NFIB: variants seen among roughly 807,000 people sequenced by gnomAD.
NFIB encodes the protein nuclear factor 1 B-type.
In NFIB, 11 loss-of-function variants were observed where a neutral mutation model predicts 61.5. The ratio of observed to expected loss-of-function variants is 0.18; its 90% CI spans 0.11 to 0.30. The LOEUF is 0.30. Among genes scored for constraint, NFIB ranks in the 10% least tolerant of loss-of-function variants. NFIB has a pLI of 1.00. For missense variants in NFIB, 471 were observed against 608.9 expected (o/e 0.77, Z 2.38); for synonymous variants, 260 against 216.5 (o/e 1.20, Z -1.76).
intron 1 of NFIB, among the ~76,000 whole-genome samples, chr9:14,379,778 G>A (rs1398939829): frequency 6.6e-6 from 1 of 152,088 alleles, no homozygotes; most frequent in Non-Finnish European, 1.5e-5. Flanking sequence ...CGCCTCCCGG[G>A]TTCAAGCAAT....
At chr9:14,462,891 C>A in the NFIB span, among the ~76,000 whole-genome samples, 43 of 152,300 alleles carry the variant, frequency 2.8e-4, no homozygotes, top group East Asian at 5.6e-3. Flanking sequence ...AGTTATGCAA[C>A]ACTTCCCAAA....
chr9:14,495,275 T>G, the NFIB span, among the ~76,000 whole-genome samples: 1 of 151,752 alleles, frequency 6.6e-6, no homozygotes, highest in Non-Finnish European at 1.5e-5. Context: ...CCCACACCCC[T>G]GGTTGTGAGA....
intron 2 of NFIB, among the ~76,000 whole-genome samples, chr9:14,211,191 G>A (rs867929594): frequency 6.6e-6 from 1 of 152,016 alleles, no homozygotes; most frequent in East Asian, 1.9e-4. Flanking sequence ...CTACAATATT[G>A]TATTCAAAAA....
At chr9:14,431,770 T>C in the NFIB span, among the ~76,000 whole-genome samples, 1 of 152,140 alleles carries the variant, frequency 6.6e-6, no homozygotes, top group Non-Finnish European at 1.5e-5. Context: ...AAGGCCTCTC[T>C]TGGTGAGACA....
the NFIB span, among the ~76,000 whole-genome samples, chr9:14,502,884 C>T: frequency 3.9e-5 from 6 of 152,006 alleles, no homozygotes; most frequent in Non-Finnish European, 8.8e-5. Flanking sequence ...CCTCACTCCC[C>T]TCCCACCATT....
the NFIB span, among the ~76,000 whole-genome samples, chr9:14,413,078 T>G: frequency 8.8e-4 from 134 of 152,214 alleles, no homozygotes; most frequent in Middle Eastern, 6.8e-3. Flanking sequence ...AACCCCTGGG[T>G]AGCTCTGAAC....
chr9:14,150,080 C>G, intron 5 of NFIB, 65 bp downstream of exon 5: 2 of 1,598,898 alleles, frequency 1.3e-6, no homozygotes, highest in Admixed American at 1.7e-5. Context: ...ATCTATCTGC[C>G]TATCATCCAC....
chr9:14,323,068 A>G (rs920203121), intron 1 of NFIB, among the ~76,000 whole-genome samples: 2 of 152,262 alleles, frequency 1.3e-5, no homozygotes, highest in Admixed American at 6.5e-5. Flanking sequence ...GCTGGCTTCA[A>G]CTTCGCCAGG....
At chr9:14,274,986 G>C (rs1379728612) in intron 2 of NFIB, among the ~76,000 whole-genome samples, 2 of 152,192 alleles carry the variant, frequency 1.3e-5, no homozygotes, top group African/African-American at 4.8e-5. Context: ...GTGAGGTTTT[G>C]TTTTGAAGTT....
chr9:14,495,446 C>CTTTTTATTT, the NFIB span, among the ~76,000 whole-genome samples: 1 of 117,264 alleles, frequency 8.5e-6, no homozygotes, highest in Non-Finnish European at 1.7e-5. Flanking sequence ...GAGAAATGAA[C>CTTTTTATTT]TTTTTTTTTT....
chr9:14,520,048 CTATT>C, the NFIB span, among the ~76,000 whole-genome samples: 7,325 of 152,168 alleles, frequency 0.048, 560 homozygotes, highest in African/African-American at 0.17. Context: ...TCTAAAGAAA[CTATT>C]TATAATGTTT....
At chr9:14,448,600 G>T in the NFIB span, among the ~76,000 whole-genome samples, 13 of 152,160 alleles carry the variant, frequency 8.5e-5, no homozygotes, top group Non-Finnish European at 1.5e-4. Context: ...ATTTGCAAAG[G>T]GAAAGCCAAA....
chr9:14,476,246 GTT>G, the NFIB span, among the ~76,000 whole-genome samples: 3 of 127,452 alleles, frequency 2.4e-5, no homozygotes, highest in Non-Finnish European at 1.7e-5. Context: ...TAAGCTTTTT[GTT>G]TTTTTTTTTT....
chr9:14,425,383 G>A, the NFIB span, among the ~76,000 whole-genome samples: 1 of 152,158 alleles, frequency 6.6e-6, no homozygotes, highest in African/African-American at 2.4e-5. Flanking sequence ...AGGAATCGAG[G>A]GCAAAACAGG....
At chr9:14,320,679 C>T (rs1454747899) in intron 1 of NFIB, among the ~76,000 whole-genome samples, 3 of 152,192 alleles carry the variant, frequency 2.0e-5, no homozygotes, top group African/African-American at 7.2e-5. Context: ...TTGAACTCCT[C>T]AGTCATATAC....
intron 1 of NFIB, among the ~76,000 whole-genome samples, chr9:14,371,180 G>A (rs958683215): frequency 4.6e-5 from 7 of 152,074 alleles, no homozygotes; most frequent in Admixed American, 4.6e-4. Flanking sequence ...CCTGCCAGAG[G>A]ACCAACCTTT....
chr9:14,120,598 G>A lies in NFIB; in HGVS notation c.1087C>T (p.Pro363Ser), dbSNP rs749973345. Reference sequence around the variant, plus strand: ...TGTGTTGGAAATGGCAACGGTGAAGGTGGAGGTGGAGTTCGAGTTGAGATG... The same window carrying A: ...TGTGTTGGAAATGGCAACGGTGAAGATGGAGGTGGAGTTCGAGTTGAGATG... ...SVISTRTPPP[P>S]SPLPFPTQAI... The change falls in exon 8 of 11, where the codon CCT (proline) becomes TCT (serine). Residue 363 changes from proline to serine, a missense_variant. Pro to Ser is a moderately conservative substitution (Grantham distance 74, BLOSUM62 -1). Around this residue, in one of 2 missense-constraint regions of NFIB, gnomAD observed 372 missense variants for 395.6 expected, o/e 0.94. Coordinates refer to ENST00000380953, the MANE Select transcript of NFIB (RefSeq NM_001190737.2). The surrounding 1 kb of genome is among the most constrained non-coding windows in gnomAD (Gnocchi z 4.4). 2.5e-6 allele frequency: 4 copies of A among 1,611,206 alleles called. No homozygotes were observed. The African/African-American group carries it at 4.0e-5, about 16-fold the overall frequency.
chr9:14,120,617 T>C lies in NFIB; in HGVS notation c.1068A>G (p.Ser356=), dbSNP rs1218994382. 1.2e-6 allele frequency: 2 copies of C among 1,605,962 alleles called. No individual in the cohort carries two copies. Among genetic ancestry groups the C allele is most frequent in the Non-Finnish European group, 8.5e-7 (1 of 1,176,358 alleles). ...GTGAAGGTGGAGGTGGAGTTCGAGT[T>C]GAGATGACTGCAGAAGACAGAAAAG... ...GIPGVAHSVI[S]TRTPPPPSPL... is the part of the protein sequence containing the mutation. The change falls in exon 8 of 11, where the codon TCA becomes TCG. Residue 356 remains serine, a synonymous_variant. Coordinates refer to ENST00000380953, the MANE Select transcript of NFIB (RefSeq NM_001190737.2). The surrounding 1 kb of genome is among the most constrained non-coding windows in gnomAD (Gnocchi z 4.4).
At chr9:14,266,825 T>TA (rs140855030) in intron 2 of NFIB, among the ~76,000 whole-genome samples, 2,558 of 152,304 alleles carry the variant, frequency 0.017, 77 homozygotes, top group African/African-American at 0.058. Context: ...GGTCAGATCC[T>TA]AAGCACCAAA....
Sources: allele counts gnomAD v4.1 joint callset (sites outside exome capture counted in the v4.1 genomes callset), GRCh38; gene constraint gnomAD v4.1.1; regional missense constraint gnomAD v4.1.1; non-coding constraint Gnocchi (gnomAD v3.1); transcripts MANE v1.5; gene names NCBI Gene and HGNC (gene_info 2026-07-23, HGNC 2026-07-21).